Variants in MID2 observed in about 807,000 individuals in gnomAD.
MID2 encodes the protein probable E3 ubiquitin-protein ligase MID2.
MID2 carries 13 observed loss-of-function variants against 46.1 expected under a neutral mutation model. The ratio of observed to expected loss-of-function variants is 0.28; its 90% CI spans 0.18 to 0.45. The LOEUF is 0.45. Ranked by LOEUF, MID2 falls within the 20% of genes least tolerant of loss-of-function variation. The pLI is 1.00. For synonymous variants in MID2, 199 were observed against 212.3 expected, an observed-to-expected ratio of 0.94 and a Z score of 0.55; for missense variants, 431 against 575.4, an observed-to-expected ratio of 0.75 and a Z score of 2.57.
rs1158455955 is a variant in MID2, at chrX:107,929,812, C to CTCTT, written c.*2741_*2744dup. 9.0e-6 allele frequency among the ~76,000 whole-genome samples: 1 copy of CTCTT among 111,425 alleles called. No homozygotes were observed. Among genetic ancestry groups the CTCTT allele is most frequent in the African/African-American group, 3.3e-5 (1 of 30,644 alleles). On this transcript the variant is annotated 3_prime_UTR_variant, in exon 10 of 10. Transcript: ENST00000262843. ...ATTCCTTAGACTTGATGATGCATCC[C>CTCTT]TCTTTAGAGATCCAAAGACACCCCA... is the stretch of plus-strand genomic sequence containing the variant.
intron 3 of MID2, among the ~76,000 whole-genome samples, chrX:107,892,791 T>C (rs1025385999): frequency 2.7e-5 from 3 of 112,094 alleles, no homozygotes; most frequent in Non-Finnish European, 5.6e-5. Context: ...GAAGCCTTCC[T>C]TGACCATCTA....
intron 7 of MID2, among the ~76,000 whole-genome samples, chrX:107,922,879 G>T (rs1933097146): frequency 9.0e-6 from 1 of 111,417 alleles, no homozygotes; most frequent in Non-Finnish European, 1.9e-5. Context: ...TGTGTATCTG[G>T]AGATTATATG....
chrX:107,841,420 T>C, intron 2 of MID2, 35 bp downstream of exon 2: 2 of 1,041,583 alleles, frequency 1.9e-6, no homozygotes. Context: ...TATACAACTT[T>C]GTCGCATAAA....
At chrX:107,918,783 C>T (rs747122517) in intron 7 of MID2, among the ~76,000 whole-genome samples, 1 of 112,239 alleles carries the variant, frequency 8.9e-6, no homozygotes, top group Non-Finnish European at 1.9e-5. Context: ...AAAGTCTTAG[C>T]GCCAACAACT....
chrX:107,896,000 T>C (rs1440779271), intron 3 of MID2: 1 of 112,462 alleles, frequency 8.9e-6, no homozygotes, highest in East Asian at 2.8e-4. Context: ...TTTATAGCTA[T>C]GTACATAAAA....
At chrX:107,828,301 CTTTCTTTTCTTTT>C (rs914810012) in intron 1 of MID2, among the ~76,000 whole-genome samples, 1 of 92,702 alleles carries the variant, frequency 1.1e-5, no homozygotes, top group Non-Finnish European at 2.0e-5. Context: ...TCTTTTCTTT[CTTTCTTTTCTTTT>C]TTTTTTTTTT....
intron 3 of MID2, among the ~76,000 whole-genome samples, chrX:107,889,489 C>T (rs184705068): frequency 0.049 from 5,510 of 111,631 alleles, 364 homozygotes; most frequent in African/African-American, 0.17. Flanking sequence ...CCGAGAGATC[C>T]GCTGTTAGTC....
At chrX:107,921,754 T>C (rs1011763396) in intron 7 of MID2, among the ~76,000 whole-genome samples, 8 of 111,726 alleles carry the variant, frequency 7.2e-5, no homozygotes, top group African/African-American at 2.6e-4. Flanking sequence ...GTGTTGGTGT[T>C]CAAATTGTCA....
intron 8 of MID2, among the ~76,000 whole-genome samples, chrX:107,925,139 T>C (rs1264714322): frequency 8.9e-6 from 1 of 112,164 alleles, no homozygotes; most frequent in East Asian, 2.8e-4. Context: ...CACATAATGG[T>C]TATCCCTTTT....
chrX:107,854,041 C>T (rs780514954), intron 2 of MID2, among the ~76,000 whole-genome samples: 1 of 111,995 alleles, frequency 8.9e-6, no homozygotes, highest in South Asian at 3.7e-4. Flanking sequence ...CCTGACTTAC[C>T]ATAGTTCAAC....
At chrX:107,845,841 T>C (rs972215047) in intron 2 of MID2, among the ~76,000 whole-genome samples, 3 of 111,043 alleles carry the variant, frequency 2.7e-5, no homozygotes, top group African/African-American at 9.9e-5. Context: ...TCAACTAATG[T>C]ACTAATGGGC....
intron 7 of MID2, among the ~76,000 whole-genome samples, chrX:107,920,491 C>T (rs987058880): frequency 8.9e-6 from 1 of 112,047 alleles, no homozygotes; most frequent in Non-Finnish European, 1.9e-5. Context: ...GTAAACTCTG[C>T]CTAGCCAGGC....
At chrX:107,913,733 A>G (rs1932924340) in intron 5 of MID2, among the ~76,000 whole-genome samples, 1 of 111,540 alleles carries the variant, frequency 9.0e-6, no homozygotes, top group South Asian at 3.8e-4. Flanking sequence ...GTTTACACTC[A>G]TGCTTATTCC....
chrX:107,858,383 A>C (rs1179172068), intron 3 of MID2, among the ~76,000 whole-genome samples: 1 of 112,041 alleles, frequency 8.9e-6, no homozygotes, highest in Non-Finnish European at 1.9e-5. Context: ...TCCAAAGGAA[A>C]CCTCTGTATA....
intron 1 of MID2, among the ~76,000 whole-genome samples, chrX:107,835,102 T>C (rs1931175667): frequency 8.9e-6 from 1 of 111,919 alleles, no homozygotes; most frequent in African/African-American, 3.2e-5. Context: ...TTGCCTATTC[T>C]GGATATTTCA....
chrX:107,876,409 A>C (rs2147846562), intron 3 of MID2, among the ~76,000 whole-genome samples: 1 of 111,377 alleles, frequency 9.0e-6, no homozygotes, highest in East Asian at 2.8e-4. Context: ...GGTGTGCTTT[A>C]CCAAGGCCCC....
intron 2 of MID2, among the ~76,000 whole-genome samples, chrX:107,848,251 G>A (rs984385113): frequency 9.0e-6 from 1 of 111,444 alleles, no homozygotes; most frequent in South Asian, 3.8e-4. Context: ...GAGGCAGGAA[G>A]TGAAGAGGAA....
intron 1 of MID2, 23 bp downstream of exon 1, chrX:107,826,453 G>A: frequency 8.8e-7 from 1 of 1,132,539 alleles, no homozygotes; most frequent in Non-Finnish European, 1.2e-6. Context: ...CCCTCGCCGC[G>A]GCCCTGGAGG....
chrX:107,910,793 C>G (rs1003834152), intron 5 of MID2, among the ~76,000 whole-genome samples: 4 of 14,392 alleles, frequency 2.8e-4, no homozygotes, highest in Admixed American at 6.7e-4. Flanking sequence ...CTTTCCTTTC[C>G]TTTCCTTTCC....
Sources: allele counts gnomAD v4.1 joint callset (sites outside exome capture counted in the v4.1 genomes callset), GRCh38; gene constraint gnomAD v4.1.1; transcripts MANE v1.5; gene names NCBI Gene and HGNC (gene_info 2026-07-23, HGNC 2026-07-21).